The following DSCAM variants were observed in gnomAD, a reference collection of about 807,000 sequenced individuals.
DSCAM encodes DS cell adhesion molecule, also known as cell adhesion molecule DSCAM.
Under a neutral mutation model 217.7 loss-of-function variants are expected in DSCAM, and 47 were observed. The ratio of observed to expected loss-of-function variants is 0.22; its 90% CI spans 0.17 to 0.28. The LOEUF (loss-of-function observed/expected upper bound fraction) is 0.28, where lower values mean the gene tolerates loss of function less well. DSCAM is among the 10% of genes least tolerant of loss of function. The pLI is 1.00. For missense variants in DSCAM, 2,080 were observed against 2,618.3 expected (o/e 0.79, Z 4.49); for synonymous variants, 1,056 against 1,015.3 (o/e 1.04, Z -0.76).
intron 11 of DSCAM, among the ~76,000 whole-genome samples, chr21:40,274,626 A>G (rs2073662756): frequency 6.6e-6 from 1 of 152,220 alleles, no homozygotes; most frequent in Admixed American, 6.5e-5. Flanking sequence ...AACTTTTAAA[A>G]ATTACCATTT....
intron 3 of DSCAM, among the ~76,000 whole-genome samples, chr21:40,409,757 C>A (rs1312057008): frequency 1.3e-5 from 2 of 152,242 alleles, no homozygotes; most frequent in Non-Finnish European, 2.9e-5. Context: ...AGTAAGGGAG[C>A]CAATCAGTTC....
intron 4 of DSCAM, among the ~76,000 whole-genome samples, chr21:40,356,911 T>C (rs1327214639): frequency 6.6e-6 from 1 of 152,234 alleles, no homozygotes; most frequent in Admixed American, 6.5e-5. Flanking sequence ...AACATTTAGC[T>C]GAAATGTCTT....
chr21:40,274,920 C>T (rs1433348261), intron 11 of DSCAM, among the ~76,000 whole-genome samples: 2 of 152,146 alleles, frequency 1.3e-5, no homozygotes, highest in African/African-American at 4.8e-5. Flanking sequence ...ATATCATACA[C>T]ACACAAATAC....
intron 3 of DSCAM, among the ~76,000 whole-genome samples, chr21:40,465,672 A>T (rs1053257688): frequency 6.6e-6 from 1 of 152,182 alleles, no homozygotes; most frequent in Non-Finnish European, 1.5e-5. Flanking sequence ...ATTTTAGTTC[A>T]TCAGCTATCA....
At chr21:40,053,630 T>G (rs75742842) in intron 29 of DSCAM, among the ~76,000 whole-genome samples, 10,290 of 152,304 alleles carry the variant, frequency 0.068, 528 homozygotes, top group East Asian at 0.14. Flanking sequence ...CAGAGCATTT[T>G]GAAGCACCAC....
At chr21:40,035,356 G>T (rs2088599114) in intron 32 of DSCAM, among the ~76,000 whole-genome samples, 2 of 101,784 alleles carry the variant, frequency 2.0e-5, no homozygotes, top group Non-Finnish European at 3.9e-5. Context: ...AAAGGCAGGG[G>T]TTGCAATCCT....
intron 11 of DSCAM, among the ~76,000 whole-genome samples, chr21:40,202,348 GA>G (rs1291275148): frequency 6.6e-6 from 1 of 152,216 alleles, no homozygotes; most frequent in East Asian, 1.9e-4. Flanking sequence ...TTTTCATGGA[GA>G]AACAGAGAAG....
chr21:40,193,428 A>G (rs1202842155), intron 11 of DSCAM, among the ~76,000 whole-genome samples: 1 of 152,220 alleles, frequency 6.6e-6, no homozygotes, highest in African/African-American at 2.4e-5. Context: ...AAAACTGTGA[A>G]TAAATAAATT....
intron 1 of DSCAM, among the ~76,000 whole-genome samples, chr21:40,771,666 AG>A (rs1417541589): frequency 1.3e-5 from 2 of 152,242 alleles, no homozygotes; most frequent in Non-Finnish European, 2.9e-5. Flanking sequence ...AGCCAGCGAA[AG>A]GAAGTATGAA....
intron 3 of DSCAM, among the ~76,000 whole-genome samples, chr21:40,509,987 G>A (rs2076245630): frequency 1.3e-5 from 2 of 152,074 alleles, no homozygotes; most frequent in African/African-American, 2.4e-5. Context: ...AGCCAGGCGT[G>A]GTGGCACACA....
At chr21:40,570,919 A>G (rs1428219653) in intron 3 of DSCAM, among the ~76,000 whole-genome samples, 1 of 152,212 alleles carries the variant, frequency 6.6e-6, no homozygotes, top group Non-Finnish European at 1.5e-5. Flanking sequence ...GGAATCCCAG[A>G]AGAAGAAGAG....
At chr21:40,209,651 C>T (rs751511557) in intron 11 of DSCAM, among the ~76,000 whole-genome samples, 6 of 152,184 alleles carry the variant, frequency 3.9e-5, no homozygotes, top group Admixed American at 6.5e-5. Flanking sequence ...GTCCCAGGCT[C>T]CTCCTTGGAT....
intron 3 of DSCAM, among the ~76,000 whole-genome samples, chr21:40,556,477 C>A (rs2076672723): frequency 6.6e-6 from 1 of 152,088 alleles, no homozygotes; most frequent in Admixed American, 6.5e-5. Flanking sequence ...ATTGCTATGA[C>A]AGTATACAGA....
intron 32 of DSCAM, among the ~76,000 whole-genome samples, chr21:40,039,033 G>T (rs1354250947): frequency 2.6e-5 from 3 of 116,626 alleles, no homozygotes; most frequent in Non-Finnish European, 5.1e-5. Flanking sequence ...GGGGGGAGGG[G>T]GGAGGGATAG....
At chr21:40,624,782 A>C (rs536305967) in intron 3 of DSCAM, among the ~76,000 whole-genome samples, 1 of 152,296 alleles carries the variant, frequency 6.6e-6, no homozygotes, top group East Asian at 1.9e-4. Context: ...ACATCCACAC[A>C]AACACACACT....
chr21:40,554,132 T>C (rs1033174182), intron 3 of DSCAM, among the ~76,000 whole-genome samples: 5 of 151,862 alleles, frequency 3.3e-5, no homozygotes, highest in Admixed American at 1.3e-4. Flanking sequence ...TCAGTGTCCT[T>C]AGTAGCCAGT....
intron 3 of DSCAM, among the ~76,000 whole-genome samples, chr21:40,376,046 C>A (rs573156849): frequency 6.6e-6 from 1 of 152,224 alleles, no homozygotes; most frequent in Admixed American, 6.5e-5. Context: ...ATTTTAAAAG[C>A]ATATGTCATT....
At position 40,037,561 on chromosome 21, in the gene DSCAM, GAATT is replaced by G. The variant is rs1328532478; in HGVS notation, c.5686+4806_5686+4809del. The stretch of plus-strand genomic sequence containing the variant: ...AACATTCTATGCTCATGGGTAGGAA[GAATT>G]AATATCGTGAAAATGGCCATACTGC... On this transcript the variant is annotated intron_variant, in intron 32 of 32. Coordinates refer to ENST00000400454, the MANE Select transcript of DSCAM (RefSeq NM_001389.5). Among the ~76,000 whole-genome samples, 2 of 148,560 alleles carry G rather than the reference GAATT, an allele frequency of 1.3e-5. 1 individual carries two copies. The highest frequency in any genetic ancestry group is 5.2e-5 in the African/African-American group (2 of 38,286).
chr21:40,727,675 G>T (rs1188129353), intron 1 of DSCAM, among the ~76,000 whole-genome samples: 1 of 152,026 alleles, frequency 6.6e-6, no homozygotes, highest in African/African-American at 2.4e-5. Context: ...GGGTCTCTCT[G>T]CTTCTACCCT....
Sources: allele counts gnomAD v4.1 joint callset (sites outside exome capture counted in the v4.1 genomes callset), GRCh38; gene constraint gnomAD v4.1.1; transcripts MANE v1.5; gene names NCBI Gene and HGNC (gene_info 2026-07-23, HGNC 2026-07-21).